The following SLC4A7 variants were observed in gnomAD, a reference collection of about 807,000 sequenced individuals.
SLC4A7 encodes sodium bicarbonate cotransporter 3.
Under a neutral mutation model 137.6 loss-of-function variants are expected in SLC4A7, and 51 were observed. The ratio of observed to expected loss-of-function variants is 0.37; its 90% CI spans 0.30 to 0.47. The LOEUF is 0.47. Among genes scored for constraint, SLC4A7 ranks in the 20% least tolerant of loss-of-function variants. The pLI is 1.00. For synonymous variants in SLC4A7, 542 were observed against 518.6 expected (o/e 1.05, Z -0.61); for missense variants, 1,247 against 1,525.4 (o/e 0.82, Z 3.04).
At chr3:27,435,372 T>C (rs958718614) in intron 5 of SLC4A7, among the ~76,000 whole-genome samples, 2 of 152,168 alleles carry the variant, frequency 1.3e-5, no homozygotes, top group Non-Finnish European at 2.9e-5. Context: ...CCAGAGCTCT[T>C]TCTTTGCTTA....
At chr3:27,418,453 G>A in intron 11 of SLC4A7, 33 bp downstream of exon 11, 1 of 1,558,072 alleles carries the variant, frequency 6.4e-7, no homozygotes, top group South Asian at 1.2e-5. Context: ...TTAAAATAAA[G>A]TAAGTCACAG....
chr3:27,428,418 A>T (rs935607714), intron 7 of SLC4A7: 1 of 154,330 alleles, frequency 6.5e-6, no homozygotes, highest in African/African-American at 2.4e-5. Flanking sequence ...AACAAACTAT[A>T]AAACAATGGC....
intron 1 of SLC4A7, among the ~76,000 whole-genome samples, chr3:27,469,217 A>G (rs2059135756): frequency 6.6e-6 from 1 of 152,238 alleles, no homozygotes; most frequent in African/African-American, 2.4e-5. Context: ...GATGACTTCT[A>G]TGACCAAATG....
intron 1 of SLC4A7, among the ~76,000 whole-genome samples, chr3:27,475,196 C>T (rs1301603789): frequency 6.6e-6 from 1 of 151,794 alleles, no homozygotes; most frequent in Admixed American, 6.6e-5. Flanking sequence ...AGATTTTTTT[C>T]TCTGTCCTCA....
chr3:27,458,256 A>G (rs1378200128), intron 1 of SLC4A7, among the ~76,000 whole-genome samples: 1 of 152,176 alleles, frequency 6.6e-6, no homozygotes, highest in Non-Finnish European at 1.5e-5. Flanking sequence ...CAATTCTATA[A>G]GCTAGCAAAA....
chr3:27,423,594 A>C (rs1276671418), intron 8 of SLC4A7: 1 of 152,812 alleles, frequency 6.5e-6, no homozygotes, highest in African/African-American at 2.4e-5. Context: ...TGACATTCCA[A>C]AAGTACTGAC....
intron 24 of SLC4A7, among the ~76,000 whole-genome samples, chr3:27,380,937 AT>A (rs1303696214): frequency 6.6e-6 from 1 of 152,130 alleles, no homozygotes; most frequent in African/African-American, 2.4e-5. Context: ...GAAGGTATAT[AT>A]TTTTTTCCCT....
At chr3:27,448,818 A>G (rs559961462) in intron 2 of SLC4A7, 21 bp from the exon 3 acceptor site, 138 of 1,547,772 alleles carry the variant, frequency 8.9e-5, no homozygotes, top group Non-Finnish European at 1.1e-4. Context: ...GTTCAGAAAC[A>G]TATTACTAGC....
intron 9 of SLC4A7, among the ~76,000 whole-genome samples, chr3:27,421,082 A>G (rs1282945693): frequency 6.6e-6 from 1 of 151,574 alleles, no homozygotes; most frequent in Non-Finnish European, 1.5e-5. Context: ...GCAGTGAGCC[A>G]CTGTGCCCAG....
intron 16 of SLC4A7, among the ~76,000 whole-genome samples, chr3:27,398,890 C>T (rs930628912): frequency 1.3e-5 from 2 of 151,796 alleles, no homozygotes; most frequent in Admixed American, 1.3e-4. Flanking sequence ...ACTAAAAGCA[C>T]AGGGACCATA....
chr3:27,406,553 G>C (rs1218868151), intron 13 of SLC4A7, among the ~76,000 whole-genome samples: 1 of 152,124 alleles, frequency 6.6e-6, no homozygotes, highest in Non-Finnish European at 1.5e-5. Context: ...GTTCTTAAAA[G>C]ACACTGCTAA....
At chr3:27,399,648 T>TC (rs57606777) in intron 16 of SLC4A7, among the ~76,000 whole-genome samples, 23,351 of 152,080 alleles carry the variant, frequency 0.15, 1,976 homozygotes, top group African/African-American at 0.24. Context: ...CCCAGGCTGG[T>TC]CTCTAACTCC....
At chr3:27,482,994 G>A (rs573877475) in intron 1 of SLC4A7, among the ~76,000 whole-genome samples, 1 of 152,318 alleles carries the variant, frequency 6.6e-6, no homozygotes, top group East Asian at 1.9e-4. Context: ...AAAGCCGGCA[G>A]GCAGTTTTAA....
intron 1 of SLC4A7, among the ~76,000 whole-genome samples, chr3:27,482,427 G>C (rs1335376901): frequency 1.3e-5 from 2 of 152,158 alleles, no homozygotes; most frequent in Admixed American, 6.6e-5. Flanking sequence ...CATCATACTT[G>C]AAATACACAG....
In SLC4A7 at chr3:27,448,648, T is replaced by C; in HGVS notation, c.289+3A>G. 4 of 1,607,522 alleles carry C rather than the reference T, an allele frequency of 2.5e-6. No homozygotes were observed. The highest frequency in any genetic ancestry group is 3.4e-6 in the Non-Finnish European group (4 of 1,177,480). ...CTGCTAAAGAAGAACTGTTTTCTCT[T>C]ACCATAAGAAGGAGATTCCCGTCCA... On this transcript the variant is annotated splice_donor_region_variant and intron_variant, in intron 3 of 25. Coordinates refer to ENST00000454389, the MANE Select transcript of SLC4A7 (RefSeq NM_001321103.2).
At chr3:27,380,821 T>G (rs2050349824) in intron 24 of SLC4A7, among the ~76,000 whole-genome samples, 1 of 152,340 alleles carries the variant, frequency 6.6e-6, no homozygotes, top group Admixed American at 6.5e-5. Flanking sequence ...ACTTGAAACT[T>G]TGCCTACCCC....
chr3:27,393,416 T>C lies in SLC4A7; in HGVS notation c.3117+1102A>G, dbSNP rs543161818. 2.0e-5 allele frequency among the ~76,000 whole-genome samples: 3 copies of C among 152,326 alleles called. No individual in the cohort carries two copies. In the South Asian group the frequency reaches 6.2e-4, roughly 32 times the overall value. On this transcript the variant is annotated intron_variant, in intron 20 of 25. Coordinates refer to ENST00000454389, the MANE Select transcript of SLC4A7 (RefSeq NM_001321103.2). ...AAATGTTGAGGTAAATAGAGACATTTTGAAATATGCAAGAACTCTCAATAA... is the reference window on the plus strand; with the variant it reads ...AAATGTTGAGGTAAATAGAGACATTCTGAAATATGCAAGAACTCTCAATAA...
intron 5 of SLC4A7, among the ~76,000 whole-genome samples, chr3:27,435,169 A>G (rs1336536859): frequency 6.6e-6 from 1 of 152,204 alleles, no homozygotes; most frequent in African/African-American, 2.4e-5. Context: ...ATTAAATACT[A>G]CAGATTTTTT....
intron 22 of SLC4A7, among the ~76,000 whole-genome samples, 193 bp from the exon 23 acceptor site, chr3:27,386,216 A>G (rs2050934976): frequency 6.9e-6 from 1 of 145,830 alleles, no homozygotes; most frequent in South Asian, 2.1e-4. Flanking sequence ...AAAAAAAAAA[A>G]ACTATAAAGA....
Sources: allele counts gnomAD v4.1 joint callset (sites outside exome capture counted in the v4.1 genomes callset), GRCh38; gene constraint gnomAD v4.1.1; transcripts MANE v1.5; gene names NCBI Gene and HGNC (gene_info 2026-07-23, HGNC 2026-07-21).